The following EIF5B variants were observed in gnomAD, a reference collection of about 807,000 sequenced individuals.
EIF5B encodes eukaryotic translation initiation factor 5B, also known as eIF-5B.
Under a neutral mutation model 147.5 loss-of-function variants are expected in EIF5B, and 47 were observed. The observed-to-expected ratio is 0.32, with a 90% CI of 0.25 to 0.41. EIF5B has a LOEUF of 0.41. Among genes scored for constraint, EIF5B ranks in the 10% least tolerant of loss-of-function variants. The pLI, the probability that EIF5B is intolerant of heterozygous loss-of-function variation, is 1.00. For missense variants in EIF5B, 1,064 were observed against 1,413.2 expected (o/e 0.75, Z 3.96); for synonymous variants, 455 against 456.2 (o/e 1.00, Z 0.03).
chr2:99,355,498 C>T (rs1471140964), intron 1 of EIF5B, among the ~76,000 whole-genome samples: 3 of 150,752 alleles, frequency 2.0e-5, no homozygotes, highest in African/African-American at 7.3e-5. Context: ...CATATAAGTA[C>T]TTTACATATT....
At chr2:99,338,953 C>T (rs77100772) in intron 1 of EIF5B, among the ~76,000 whole-genome samples, 1 of 103,608 alleles carries the variant, frequency 9.7e-6, no homozygotes, top group Non-Finnish European at 2.2e-5. Flanking sequence ...TATATATACA[C>T]ACATATATAT....
chr2:99,340,558 A>G (rs1459622930), intron 1 of EIF5B: 2 of 152,244 alleles, frequency 1.3e-5, no homozygotes, highest in Non-Finnish European at 2.9e-5. Flanking sequence ...AGAACATACA[A>G]TACTCACTGT....
intron 12 of EIF5B, 47 bp downstream of exon 12, chr2:99,379,475 G>C: frequency 1.4e-6 from 2 of 1,412,396 alleles, no homozygotes; most frequent in South Asian, 2.5e-5. Flanking sequence ...CAAAAATTAA[G>C]ATATGAACTA....
intron 1 of EIF5B, among the ~76,000 whole-genome samples, chr2:99,348,163 T>G (rs575619577): frequency 1.3e-5 from 2 of 152,336 alleles, no homozygotes; most frequent in African/African-American, 4.8e-5. Flanking sequence ...TTAGGCTGAA[T>G]TTTGTAGAAG....
chr2:99,340,932 T>G (rs1396473077), intron 1 of EIF5B, among the ~76,000 whole-genome samples: 2 of 152,072 alleles, frequency 1.3e-5, no homozygotes. Flanking sequence ...ACCTGGCTAA[T>G]TTTTGTGTTT....
chr2:99,369,555 G>C, intron 8 of EIF5B, 74 bp downstream of exon 8: 1 of 1,267,510 alleles, frequency 7.9e-7, no homozygotes. Flanking sequence ...AGTTGTCTTA[G>C]TTATTATAAA....
At chr2:99,381,043 T>A (rs1003418087) in intron 12 of EIF5B, among the ~76,000 whole-genome samples, 2 of 152,220 alleles carry the variant, frequency 1.3e-5, no homozygotes, top group Non-Finnish European at 2.9e-5. Flanking sequence ...TCGTTTTACA[T>A]CTTGATGTCG....
intron 19 of EIF5B, 34 bp from the exon 20 acceptor site, chr2:99,394,475 A>G (rs886743149): frequency 5.0e-6 from 8 of 1,613,918 alleles, no homozygotes; most frequent in African/African-American, 4.0e-5. Context: ...TACCTGATAC[A>G]TACAGATAAA....
chr2:99,363,573 T>C, intron 4 of EIF5B, 72 bp from the exon 5 acceptor site: 1 of 1,444,248 alleles, frequency 6.9e-7, no homozygotes, highest in Non-Finnish European at 9.4e-7. Flanking sequence ...GAATTGTGGT[T>C]GGGTTTTGCT....
At position 99,399,295 on chromosome 2, in the gene EIF5B, C is replaced by T. The variant is rs531262806; in HGVS notation, c.3556-12C>T. ...TGTTCTGTTTACCCTGTTTGTGCCTCGGGCATTGCAGATCAGCCGGCAGTC... is the reference window on the plus strand; with the variant it reads ...TGTTCTGTTTACCCTGTTTGTGCCTTGGGCATTGCAGATCAGCCGGCAGTC... On this transcript the variant is annotated splice_polypyrimidine_tract_variant and intron_variant, in intron 23 of 23. Transcript: ENST00000289371. The T allele has an allele frequency of 1.1e-5, 18 of 1,613,130 alleles. No homozygotes were observed. The highest frequency in any genetic ancestry group is 2.2e-5 in the East Asian group (1 of 44,858).
At chr2:99,366,885 CAG>C (rs914359587) in intron 6 of EIF5B, among the ~76,000 whole-genome samples, 3 of 152,100 alleles carry the variant, frequency 2.0e-5, no homozygotes, top group East Asian at 1.9e-4. Context: ...GATAGACAAA[CAG>C]ATAAATAGTC....
chr2:99,366,040 A>G (rs767418841), intron 6 of EIF5B, among the ~76,000 whole-genome samples: 13 of 152,236 alleles, frequency 8.5e-5, no homozygotes, highest in Non-Finnish European at 1.9e-4. Context: ...TGAAATGTGC[A>G]GCAGGTTAAC....
intron 18 of EIF5B, 39 bp from the exon 19 acceptor site, chr2:99,394,228 G>C: frequency 6.3e-7 from 1 of 1,582,676 alleles, no homozygotes; most frequent in Non-Finnish European, 8.6e-7. Flanking sequence ...GAGGATAGAG[G>C]TGTGTTGACA....
chr2:99,391,113 G>A (rs970302779), intron 17 of EIF5B, among the ~76,000 whole-genome samples: 4 of 152,146 alleles, frequency 2.6e-5, no homozygotes, highest in African/African-American at 9.7e-5. Flanking sequence ...CGACTAACAT[G>A]TTTTGTATGT....
chr2:99,396,310 G>T (rs1182973888), intron 21 of EIF5B, among the ~76,000 whole-genome samples: 10 of 152,204 alleles, frequency 6.6e-5, no homozygotes, highest in Non-Finnish European at 1.5e-4. Flanking sequence ...TGGGAACGTG[G>T]TGGAGAAAAG....
intron 1 of EIF5B, among the ~76,000 whole-genome samples, chr2:99,352,717 G>A (rs113716661): frequency 6.6e-6 from 1 of 151,814 alleles, no homozygotes; most frequent in African/African-American, 2.4e-5. Context: ...CTGGCCTCAA[G>A]TGATCCACCC....
At chr2:99,339,089 A>G (rs951813418) in intron 1 of EIF5B, among the ~76,000 whole-genome samples, 1 of 147,284 alleles carries the variant, frequency 6.8e-6, no homozygotes, top group Admixed American at 6.9e-5. Flanking sequence ...ATCTCGGCTC[A>G]CTGCAACCTC....
In EIF5B at chr2:99,376,343, G is replaced by T; in HGVS notation, c.1553-4G>T. On this transcript the variant is annotated splice_region_variant and splice_polypyrimidine_tract_variant and intron_variant, in intron 9 of 23. Coordinates refer to ENST00000289371, the MANE Select transcript of EIF5B (RefSeq NM_015904.4). ...TTTATTTAAAAATATATTTGCTTTC[G>T]TAGTAGAAGGAAACAAAGTTCATAT... The T allele has an allele frequency of 1.5e-6, 2 of 1,371,826 alleles. No homozygotes were observed. Among genetic ancestry groups the T allele is most frequent in the Non-Finnish European group, 2.0e-6 (2 of 1,012,814 alleles). The allele number at this position is 1,371,826 out of a possible 1,614,324, so 85.0% of individuals were successfully genotyped here.
At position 99,399,421 on chromosome 2, in the gene EIF5B, C is replaced by G. The variant is rs773909510; in HGVS notation, c.*7C>G. On this transcript the variant is annotated 3_prime_UTR_variant, in exon 24 of 24. Coordinates refer to ENST00000289371, the MANE Select transcript of EIF5B (RefSeq NM_015904.4). Reference sequence around the variant, plus strand: ...AGTATTTGAAATCATCTAATTTTTTCACATGGAGCAGGAACTGGAGTAAAT... The same window carrying G: ...AGTATTTGAAATCATCTAATTTTTTGACATGGAGCAGGAACTGGAGTAAAT... 2 of 1,612,762 alleles carry G rather than the reference C, an allele frequency of 1.2e-6. No individual in the cohort carries two copies. The highest frequency in any genetic ancestry group is 1.7e-6 in the Non-Finnish European group (2 of 1,178,974).
Sources: allele counts gnomAD v4.1 joint callset (sites outside exome capture counted in the v4.1 genomes callset), GRCh38; gene constraint gnomAD v4.1.1; transcripts MANE v1.5; gene names NCBI Gene and HGNC (gene_info 2026-07-23, HGNC 2026-07-21).